ADGRF3: variants seen among roughly 807,000 people sequenced by gnomAD.
The protein encoded by ADGRF3 is G protein-coupled receptor 113.
A neutral mutation model predicts 93.2 loss-of-function variants in ADGRF3; 85 were observed. The ratio of observed to expected loss-of-function variants is 0.91; its 90% confidence interval spans 0.77 to 1.09. ADGRF3 has a LOEUF of 1.09. Ranked by LOEUF, ADGRF3 falls within the 50% of genes least tolerant of loss-of-function variation. The probability of loss-of-function intolerance (pLI) is 0.00; values close to 1 mark genes in which losing one functional copy is unlikely to be tolerated. For missense variants in ADGRF3, 1,125 were observed against 1,246.2 expected (o/e 0.90, Z 1.46); for synonymous variants, 534 against 532.5 (o/e 1.00, Z -0.04).
intron 1 of ADGRF3, among the ~76,000 whole-genome samples, chr2:26,334,763 G>T (rs1225614766): frequency 6.6e-6 from 1 of 152,140 alleles, no homozygotes; most frequent in Non-Finnish European, 1.5e-5. Context: ...ACCTTATCAT[G>T]TAGGACTTTA....
chr2:26,316,623 G>A (rs764498135), intron 3 of ADGRF3, among the ~76,000 whole-genome samples, 175 bp from the exon 4 acceptor site: 3 of 152,164 alleles, frequency 2.0e-5, no homozygotes, highest in African/African-American at 7.2e-5. Context: ...GTCAGGACTC[G>A]AAGCAGCAGA....
rs774670295 is a variant in ADGRF3 at position 26,315,536 on chromosome 2, G to A, written c.704C>T (p.Ser235Phe). ...GQAALSVSNM[S>F]HHWAGEYMSC... ...AGGCTGGCTACCTGCCCAGTGATGG[G>A]ACATGTTGGAGACGCTGAGGGCAGC... Residue 235 changes from serine to phenylalanine, a missense_variant, in exon 5 of 14, where the codon TCC (serine) becomes TTC (phenylalanine). Ser to Phe is a radical substitution (Grantham distance 155). Coordinates refer to ENST00000651242, the MANE Select transcript of ADGRF3 (RefSeq NM_001321971.2). 17 of 1,551,048 alleles carry A rather than the reference G, an allele frequency of 1.1e-5. No homozygotes were observed. The African/African-American group carries it at 2.3e-4, about 21-fold the overall frequency.
chr2:26,346,211 G>A lies in ADGRF3; in HGVS notation c.24C>T (p.Ala8=), dbSNP rs202217452. 532 of 1,613,614 alleles carry A rather than the reference G, an allele frequency of 3.3e-4. No individual in the cohort carries two copies. The East Asian group carries it at 4.3e-3, about 13-fold the overall frequency. The change falls in exon 1 of 14, where the codon GCC becomes GCT. Residue 8 remains alanine (A), a synonymous_variant. Coordinates refer to ENST00000651242, the MANE Select transcript of ADGRF3 (RefSeq NM_001321971.2). ...TGTAGCCGGGAGTCGCTGCCGAGTGGGCGCTCAGTTTTCGGGTCGTCATGG... is the reference window on the plus strand; with the variant it reads ...TGTAGCCGGGAGTCGCTGCCGAGTGAGCGCTCAGTTTTCGGGTCGTCATGG... The part of the protein sequence containing the change: MTTRKLS[A]HSAATPGYKA...
Position 26,319,631 on chromosome 2 carries a change from C to T in ADGRF3, c.115-2069G>A, listed in dbSNP as rs572384789. Among the ~76,000 whole-genome samples, 303 of 131,764 alleles carry T rather than the reference C, an allele frequency of 2.3e-3. 7 individuals are homozygous for T. The highest frequency in any genetic ancestry group is 3.3e-3 in the Non-Finnish European group (215 of 64,228). The allele number at this position is 131,764 out of a possible 152,430, so 86.4% of individuals were successfully genotyped here. The stretch of plus-strand genomic sequence containing the variant: ...CCTTCCTTCCTTTCTTTCTTTGTTT[C>T]TTTCTTTCTCTTTCCTCACTCTTTC... On this transcript the variant is annotated intron_variant, in intron 1 of 13. Transcript: ENST00000651242.
chr2:26,343,686 G>A (rs2147932713), intron 1 of ADGRF3, among the ~76,000 whole-genome samples: 1 of 152,238 alleles, frequency 6.6e-6, no homozygotes, highest in East Asian at 1.9e-4. Context: ...CTCGTGATCC[G>A]CCCGACTCGG....
At chr2:26,320,145 T>C (rs1358149730) in intron 1 of ADGRF3, among the ~76,000 whole-genome samples, 1 of 152,140 alleles carries the variant, frequency 6.6e-6, no homozygotes, top group Non-Finnish European at 1.5e-5. Flanking sequence ...TTCATATCAA[T>C]AAGATAGAAA....
chr2:26,310,570 C>A, intron 10 of ADGRF3, 122 bp downstream of exon 10: 1 of 1,048,062 alleles, frequency 9.5e-7, no homozygotes, highest in African/African-American at 1.6e-5. Flanking sequence ...CACACCTAAG[C>A]CTTCCAAAAT....
intron 1 of ADGRF3, among the ~76,000 whole-genome samples, chr2:26,335,609 G>A (rs1675993731): frequency 1.3e-5 from 2 of 150,988 alleles, no homozygotes; most frequent in Admixed American, 1.3e-4. Context: ...CATTGCATGA[G>A]GCTTCCAATT....
At chr2:26,314,727 G>T in intron 5 of ADGRF3, 104 bp from the exon 6 acceptor site, 2 of 1,040,832 alleles carry the variant, frequency 1.9e-6, no homozygotes, top group Non-Finnish European at 2.8e-6. Context: ...TCCTCTGCCT[G>T]CCACCCAGTG....
chr2:26,321,532 C>A (rs1045016087), intron 1 of ADGRF3, among the ~76,000 whole-genome samples: 1 of 151,896 alleles, frequency 6.6e-6, no homozygotes, highest in Non-Finnish European at 1.5e-5. Context: ...GGACTGAGAC[C>A]CAGAAAAGTG....
intron 12 of ADGRF3, 193 bp downstream of exon 12, chr2:26,309,850 C>T: frequency 7.5e-7 from 1 of 1,333,628 alleles, no homozygotes; most frequent in Non-Finnish European, 1.0e-6. Context: ...ACCCAGGACC[C>T]TGATCCTGAC....
intron 1 of ADGRF3, among the ~76,000 whole-genome samples, chr2:26,319,706 T>A (rs1675036681): frequency 6.6e-6 from 1 of 151,774 alleles, no homozygotes; most frequent in African/African-American, 2.4e-5. Context: ...TCTCGCTTGC[T>A]CTCACTCTCG....
intron 1 of ADGRF3, among the ~76,000 whole-genome samples, chr2:26,340,679 C>T (rs1676335827): frequency 6.6e-6 from 1 of 152,048 alleles, no homozygotes; most frequent in South Asian, 2.1e-4. Context: ...TACAGTTCTG[C>T]TTCCGTTTTA....
chr2:26,335,565 C>A (rs1184746668), intron 1 of ADGRF3, among the ~76,000 whole-genome samples: 1 of 152,048 alleles, frequency 6.6e-6, no homozygotes, highest in Non-Finnish European at 1.5e-5. Flanking sequence ...AAGCATTTTT[C>A]CACAGGAGCT....
chr2:26,319,527 C>CCTT (rs1674981949), intron 1 of ADGRF3, among the ~76,000 whole-genome samples: 1 of 129,582 alleles, frequency 7.7e-6, no homozygotes, highest in Non-Finnish European at 1.7e-5. Flanking sequence ...CTCCCTCCCT[C>CCTT]CCTTCCTTCC....
chr2:26,333,196 G>C (rs966998124), intron 1 of ADGRF3, among the ~76,000 whole-genome samples: 1 of 151,818 alleles, frequency 6.6e-6, no homozygotes, highest in African/African-American at 2.4e-5. Context: ...AGCATGTTTT[G>C]TTATGAGCAA....
Position 26,318,151 on chromosome 2 carries a change from C to G in ADGRF3, c.115-589G>C, listed in dbSNP as rs11893097. 37,354 of 1,411,872 alleles carry G rather than the reference C, an allele frequency of 0.026. 3,146 individuals are homozygous for G. In the African/African-American group the frequency reaches 0.29, roughly 11 times the overall value. 87.5% of individuals were successfully genotyped at this position (1,411,872 alleles called of 1,614,324 possible). On this transcript the variant is annotated intron_variant, in intron 1 of 13. Coordinates refer to ENST00000651242, the MANE Select transcript of ADGRF3 (RefSeq NM_001321971.2). ...GGTAGGGAGGTGAGGATGGAGCTGG[C>G]CCAAGGAGAGAGAACATGGCAGTCC... is the stretch of plus-strand genomic sequence containing the variant.
chr2:26,313,698 A>G, intron 7 of ADGRF3, 62 bp downstream of exon 7: 1 of 1,601,668 alleles, frequency 6.2e-7, no homozygotes, highest in Non-Finnish European at 8.5e-7. Flanking sequence ...GCCATGCAAG[A>G]GAGCCCGTGC....
intron 1 of ADGRF3, among the ~76,000 whole-genome samples, chr2:26,321,649 G>A (rs1185784094): frequency 6.6e-6 from 1 of 152,076 alleles, no homozygotes; most frequent in African/African-American, 2.4e-5. Context: ...CATGAACACT[G>A]AAGGAAGAAG....
Sources: allele counts gnomAD v4.1 joint callset (sites outside exome capture counted in the v4.1 genomes callset), GRCh38; gene constraint gnomAD v4.1.1; transcripts MANE v1.5; gene names NCBI Gene and HGNC (gene_info 2026-07-23, HGNC 2026-07-21).